PLPP1: variants seen among roughly 807,000 people sequenced by gnomAD.
The protein encoded by PLPP1 is phospholipid phosphatase 1, also known as lipid phosphate phosphohydrolase 1a.
In PLPP1, 24 loss-of-function variants were observed where a neutral mutation model predicts 31.2. That is an observed-to-expected ratio of 0.77 (90% CI 0.56 to 1.08). The LOEUF is 1.08. Among genes scored for constraint, PLPP1 ranks in the 50% least tolerant of loss-of-function variants. PLPP1 has a pLI of 0.00. For synonymous variants in PLPP1, 146 were observed against 126.3 expected (o/e 1.16, Z -1.05); for missense variants, 319 against 342.7 (o/e 0.93, Z 0.55).
intron 3 of PLPP1, among the ~76,000 whole-genome samples, chr5:55,444,133 G>C (rs1751697412): frequency 6.6e-6 from 1 of 150,772 alleles, no homozygotes; most frequent in South Asian, 2.1e-4. Flanking sequence ...CCAGACTGGA[G>C]TGCAGTGGTG....
chr5:55,471,271 G>A (rs1045977113), intron 2 of PLPP1, among the ~76,000 whole-genome samples: 14 of 149,888 alleles, frequency 9.3e-5, no homozygotes, highest in Non-Finnish European at 1.2e-4. Context: ...GCGTGATCTC[G>A]GCTCACTGCA....
chr5:55,450,831 C>T (rs1476632567), intron 3 of PLPP1, among the ~76,000 whole-genome samples: 2 of 152,214 alleles, frequency 1.3e-5, no homozygotes, highest in Admixed American at 6.5e-5. Context: ...CCTTGCCCAC[C>T]ACCCATCCCC....
At chr5:55,530,092 T>C in intron 1 of PLPP1, 13 of 821,104 alleles carry the variant, frequency 1.6e-5, no homozygotes. Context: ...AACGGTGACT[T>C]CATGTAGTTT....
At chr5:55,534,161 G>A (rs1271374525) in intron 1 of PLPP1, among the ~76,000 whole-genome samples, 5 of 152,146 alleles carry the variant, frequency 3.3e-5, no homozygotes, top group Admixed American at 3.3e-4. Flanking sequence ...CGATAAATCA[G>A]GCACTGGCGC....
At chr5:55,507,460 G>A (rs915516408) in intron 1 of PLPP1, among the ~76,000 whole-genome samples, 16 of 152,314 alleles carry the variant, frequency 1.1e-4, no homozygotes, top group Middle Eastern at 6.8e-3. Flanking sequence ...AAGAAGAAAT[G>A]AACTACCAGG....
intron 1 of PLPP1, among the ~76,000 whole-genome samples, chr5:55,520,030 A>G (rs1316903424): frequency 6.6e-6 from 1 of 152,246 alleles, no homozygotes; most frequent in Non-Finnish European, 1.5e-5. Context: ...TTCAAGAAAT[A>G]AAATCTTCAT....
intron 1 of PLPP1, 25 bp from the exon 2 acceptor site, chr5:55,475,475 T>C (rs755626258): frequency 1.9e-6 from 3 of 1,565,970 alleles, no homozygotes; most frequent in African/African-American, 1.4e-5. Context: ...TAAATGAAAA[T>C]ATCATTAAAA....
At position 55,425,169 on chromosome 5, in the gene PLPP1, A is replaced by AAAAC. The variant is rs763631115; in HGVS notation, c.*33_*36dup. On this transcript the variant is annotated 3_prime_UTR_variant, in exon 6 of 6. Transcript: ENST00000307259. ...CCTTGTGGCAATCATTTTCCTTTAG[A>AAAAC]AAACAGGCCAGCTTCACCTGGGCAC... is the stretch of plus-strand genomic sequence containing the variant. The AAAAC allele has an allele frequency of 3.1e-6, 5 of 1,589,282 alleles. No individual in the cohort carries two copies. The highest frequency in any genetic ancestry group is 2.7e-5 in the African/African-American group (2 of 73,244).
At chr5:55,465,216 TG>T (rs1178204567) in intron 3 of PLPP1, among the ~76,000 whole-genome samples, 10 of 152,014 alleles carry the variant, frequency 6.6e-5, no homozygotes, top group Non-Finnish European at 1.2e-4. Flanking sequence ...AGCTACTTTT[TG>T]TATTTTTAGT....
intron 3 of PLPP1, among the ~76,000 whole-genome samples, chr5:55,443,955 T>C (rs1751692816): frequency 6.6e-6 from 1 of 152,240 alleles, no homozygotes; most frequent in Non-Finnish European, 1.5e-5. Context: ...ATATTCCATA[T>C]AAATCTAACT....
chr5:55,485,084 A>C (rs898887858), intron 1 of PLPP1: 5 of 152,192 alleles, frequency 3.3e-5, no homozygotes, highest in Non-Finnish European at 5.9e-5. Context: ...ATCATAAGTA[A>C]AATGATTTCC....
chr5:55,452,661 C>T (rs1310590160), intron 3 of PLPP1, among the ~76,000 whole-genome samples: 1 of 152,144 alleles, frequency 6.6e-6, no homozygotes, highest in African/African-American at 2.4e-5. Flanking sequence ...CCCCTGTTTC[C>T]TCCAAGAAAC....
Position 55,526,931 on chromosome 5 carries a change from C to CAAAAA in PLPP1, c.58+7636_58+7640dup, listed in dbSNP as rs34267008. Among the ~76,000 whole-genome samples, 191 of 75,494 alleles carry CAAAAA rather than the reference C, an allele frequency of 2.5e-3. 6 individuals are homozygous for CAAAAA. The highest frequency in any genetic ancestry group is 8.2e-3 in the Middle Eastern group (1 of 122). The allele number at this position is 75,494 out of a possible 152,430, so 49.5% of individuals were successfully genotyped here. A position where few individuals can be genotyped will look rare whatever the true frequency, so the allele number is the denominator to read the frequency against. On this transcript the variant is annotated intron_variant, in intron 1 of 5. Coordinates refer to ENST00000307259, the MANE Select transcript of PLPP1 (RefSeq NM_003711.4). ...TGGGCGACAGAGCGAGATTCCATCT[C>CAAAAA]AAAAAAAAAAAAAAAAAAAAAAAGT...
At chr5:55,518,449 G>A (rs574961561) in intron 1 of PLPP1, among the ~76,000 whole-genome samples, 16 of 151,966 alleles carry the variant, frequency 1.1e-4, no homozygotes, top group African/African-American at 3.9e-4. Context: ...ATGAGAGACC[G>A]CGCCCGGCCT....
intron 1 of PLPP1, among the ~76,000 whole-genome samples, chr5:55,490,098 A>ACTAT (rs1385318107): frequency 6.6e-6 from 1 of 151,680 alleles, no homozygotes; most frequent in African/African-American, 2.4e-5. Flanking sequence ...AAATTGATGA[A>ACTAT]CTATCTGAAG....
At chr5:55,489,432 T>A (rs1288094644) in intron 1 of PLPP1, among the ~76,000 whole-genome samples, 1 of 152,190 alleles carries the variant, frequency 6.6e-6, no homozygotes, top group Non-Finnish European at 1.5e-5. Context: ...AACTAAAATT[T>A]AAGTAACCAG....
intron 1 of PLPP1, among the ~76,000 whole-genome samples, chr5:55,481,912 C>T (rs959692880): frequency 6.6e-6 from 1 of 151,538 alleles, no homozygotes; most frequent in Non-Finnish European, 1.5e-5. Context: ...AGAAACCAAT[C>T]TCCACAGTAC....
chr5:55,488,015 G>A (rs191468408), intron 1 of PLPP1, among the ~76,000 whole-genome samples: 11 of 152,150 alleles, frequency 7.2e-5, no homozygotes, highest in African/African-American at 2.6e-4. Flanking sequence ...GGCAGTTGTA[G>A]TGAGCCAAGA....
chr5:55,457,868 G>A (rs1002014535), intron 3 of PLPP1, among the ~76,000 whole-genome samples: 2 of 141,908 alleles, frequency 1.4e-5, no homozygotes, highest in East Asian at 2.0e-4. Flanking sequence ...CAGCCTGGGT[G>A]ACACAGCGAG....
Sources: allele counts gnomAD v4.1 joint callset (sites outside exome capture counted in the v4.1 genomes callset), GRCh38; gene constraint gnomAD v4.1.1; transcripts MANE v1.5; gene names NCBI Gene and HGNC (gene_info 2026-07-23, HGNC 2026-07-21).